GMEB1: variants seen among roughly 807,000 people sequenced by gnomAD.
GMEB1 encodes glucocorticoid modulatory element binding protein 1, also known as glucocorticoid modulatory element-binding protein 1.
In GMEB1, 6 loss-of-function variants were observed where a neutral mutation model predicts 52.4. That is an observed-to-expected ratio of 0.11 (90% CI 0.06 to 0.23). The LOEUF is 0.23. GMEB1 is among the 10% of genes least tolerant of loss of function. The probability of loss-of-function intolerance (pLI) is 1.00; values close to 1 mark genes in which losing one functional copy is unlikely to be tolerated. For synonymous variants in GMEB1, 255 were observed against 244.9 expected (o/e 1.04, Z -0.38); for missense variants, 486 against 685.6 (o/e 0.71, Z 3.25).
chr1:28,683,068 C>T (rs977795576), intron 1 of GMEB1, among the ~76,000 whole-genome samples: 32 of 152,214 alleles, frequency 2.1e-4, no homozygotes, highest in African/African-American at 7.2e-4. Context: ...CTAAGAAAAC[C>T]TATACTAGCA....
intron 7 of GMEB1, among the ~76,000 whole-genome samples, chr1:28,703,676 A>G (rs1014771037): frequency 6.6e-6 from 1 of 152,000 alleles, no homozygotes; most frequent in Non-Finnish European, 1.5e-5. Flanking sequence ...AAAAAATAAA[A>G]ATAAAAAAAT....
Position 28,718,960 on chromosome 1 carries a change from A to AT in GMEB1, c.*4189dup, listed in dbSNP as rs1671338863. On this transcript the variant is annotated 3_prime_UTR_variant, in exon 10 of 10. Transcript: ENST00000373816. ...TATTGTACTACTTGATTTTCAAGTAATTGGGCTTATTTATTCTAGAGAAAA... is the reference window on the plus strand; with the variant it reads ...TATTGTACTACTTGATTTTCAAGTAATTTGGGCTTATTTATTCTAGAGAAAA... 1 of 152,180 alleles carries AT rather than the reference A, an allele frequency of 6.6e-6. No homozygotes were observed. The highest frequency in any genetic ancestry group is 1.5e-5 in the Non-Finnish European group (1 of 68,026). The allele number at this position is 152,180 out of a possible 1,614,324, so 9.4% of individuals were successfully genotyped here. A position where few individuals can be genotyped will look rare whatever the true frequency, so the allele number is the denominator to read the frequency against.
At chr1:28,713,037 A>G (rs192952600) in intron 9 of GMEB1, among the ~76,000 whole-genome samples, 227 of 151,064 alleles carry the variant, frequency 1.5e-3, no homozygotes, top group African/African-American at 5.3e-3. Flanking sequence ...GGGCGCCTGT[A>G]GTCCCAGCTA....
At chr1:28,699,169 G>A (rs1324062260) in intron 6 of GMEB1, among the ~76,000 whole-genome samples, 1 of 152,116 alleles carries the variant, frequency 6.6e-6, no homozygotes. Flanking sequence ...TGATTACCAA[G>A]TTGAGGCTTC....
Position 28,714,292 on chromosome 1 carries a change from G to T in GMEB1, c.1211G>T (p.Gly404Val), listed in dbSNP as rs771205969. The T allele has an allele frequency of 6.2e-7, 1 of 1,614,182 alleles. No individual in the cohort carries two copies. The change falls in exon 10 of 10, where the codon GGT becomes GTT. Residue 404 changes from glycine to valine, a missense_variant. Around this residue, in one of 5 missense-constraint regions of GMEB1, gnomAD observed 153 missense variants for 200.8 expected, o/e 0.76. Coordinates refer to ENST00000373816, the MANE Select transcript of GMEB1 (RefSeq NM_001319674.2). ...VISPITITPV[G>V]QSFSMGNIPV... is the part of the protein sequence containing the mutation. ...TCACCCATCACCATCACCCCAGTGG[G>T]TCAGTCATTTTCCATGGGCAATATT...
chr1:28,676,603 G>A, intron 1 of GMEB1, among the ~76,000 whole-genome samples: 1 of 152,088 alleles, frequency 6.6e-6, no homozygotes. Flanking sequence ...GCAGGCGCCT[G>A]TAGTCTCAGC....
chr1:28,679,529 A>G (rs1316915251), intron 1 of GMEB1, among the ~76,000 whole-genome samples: 1 of 152,106 alleles, frequency 6.6e-6, no homozygotes, highest in Admixed American at 6.6e-5. Flanking sequence ...CTGTACTGTA[A>G]TATCTTGCAG....
Position 28,697,033 on chromosome 1 carries a change from C to T in GMEB1, c.547C>T (p.Pro183Ser). Residue 183 changes from proline to serine, a missense_variant, in exon 6 of 10, where the codon CCA (proline) becomes TCA (serine). Physicochemically the swap from Pro to Ser is moderately conservative, Grantham distance 74. Around this residue, in one of 5 missense-constraint regions of GMEB1, gnomAD observed 200 missense variants for 253.5 expected, o/e 0.79. Coordinates refer to ENST00000373816, the MANE Select transcript of GMEB1 (RefSeq NM_001319674.2). ...FDLLISSARA[P>S]VPGQQTSVVQ... The stretch of plus-strand genomic sequence containing the variant: ...TCTTCTGATCAGCAGTGCAAGAGCT[C>T]CAGTGCCAGGACAGCAGACAAGTGT... 1 of 1,612,554 alleles carries T rather than the reference C, an allele frequency of 6.2e-7. No homozygotes were observed.
Position 28,718,114 on chromosome 1 carries a change from G to C in GMEB1, c.*3341G>C, listed in dbSNP as rs954479408. On this transcript the variant is annotated 3_prime_UTR_variant, in exon 10 of 10. Transcript: ENST00000373816. Reference sequence around the variant, plus strand: ...GGGGTGAGACATATGCAAGCCATTGGTATGTGCATAAGCAGTTGCAATGAA... The same window carrying C: ...GGGGTGAGACATATGCAAGCCATTGCTATGTGCATAAGCAGTTGCAATGAA... 4.2e-4 allele frequency: 64 copies of C among 152,320 alleles called. No homozygotes were observed. Among genetic ancestry groups the C allele is most frequent in the African/African-American group, 1.4e-3 (57 of 41,564 alleles). The allele number at this position is 152,320 out of a possible 1,614,324, so 9.4% of individuals were successfully genotyped here.
In GMEB1 at chr1:28,715,953, G is replaced by T. The variant is rs1199689551; in HGVS notation, c.*1180G>T. 1 of 152,164 alleles carries T rather than the reference G, an allele frequency of 6.6e-6. No homozygotes were observed. The highest frequency in any genetic ancestry group is 2.4e-5 in the African/African-American group (1 of 41,408). The allele number at this position is 152,164 out of a possible 1,614,324, so 9.4% of individuals were successfully genotyped here. On this transcript the variant is annotated 3_prime_UTR_variant, in exon 10 of 10. Coordinates refer to ENST00000373816, the MANE Select transcript of GMEB1 (RefSeq NM_001319674.2). ...CTGAAAATACAAAAAAAAAAAATTA[G>T]CTGGGCATGGTGGCACGCGCCTGTA...
chr1:28,683,270 G>C (rs1669479316), intron 1 of GMEB1, among the ~76,000 whole-genome samples: 1 of 151,712 alleles, frequency 6.6e-6, no homozygotes, highest in Non-Finnish European at 1.5e-5. Flanking sequence ...TTGTTGCCCA[G>C]GCTGGGGTGC....
intron 2 of GMEB1, among the ~76,000 whole-genome samples, chr1:28,688,439 T>C (rs1467709595): frequency 6.6e-6 from 1 of 152,160 alleles, no homozygotes; most frequent in African/African-American, 2.4e-5. Flanking sequence ...AGTAACAAGA[T>C]GCAATAATTA....
At position 28,715,732 on chromosome 1, in the gene GMEB1, G is replaced by A. The variant is rs529849663; in HGVS notation, c.*959G>A. On this transcript the variant is annotated 3_prime_UTR_variant, in exon 10 of 10. Coordinates refer to ENST00000373816, the MANE Select transcript of GMEB1 (RefSeq NM_001319674.2). ...CCGTGAGTGCCATTTTGAGAAGAAGGTGGTAATAAGTGGAAGGTACATCTC... is the reference window on the plus strand; with the variant it reads ...CCGTGAGTGCCATTTTGAGAAGAAGATGGTAATAAGTGGAAGGTACATCTC... 3 of 152,186 alleles carry A rather than the reference G, an allele frequency of 2.0e-5. No homozygotes were observed. The South Asian group carries it at 6.2e-4, about 32-fold the overall frequency. The allele number at this position is 152,186 out of a possible 1,614,324, so 9.4% of individuals were successfully genotyped here.
rs578165280 is a variant in GMEB1 at position 28,680,235 on chromosome 1, T to C, written c.-30-3348T>C. 4.6e-5 allele frequency among the ~76,000 whole-genome samples: 7 copies of C among 152,092 alleles called. No individual in the cohort carries two copies. The South Asian group carries it at 1.5e-3, about 32-fold the overall frequency. ...GTCTCTATCTTTAAATAAATACATA[T>C]AAAAATAAAAAAGAAAATTCTAGAA... On this transcript the variant is annotated intron_variant, in intron 1 of 9. Transcript: ENST00000373816.
At chr1:28,677,148 C>G (rs1669186779) in intron 1 of GMEB1, among the ~76,000 whole-genome samples, 1 of 151,836 alleles carries the variant, frequency 6.6e-6, no homozygotes, top group African/African-American at 2.4e-5. Flanking sequence ...GTGTCCTATC[C>G]CCCAGATATC....
intron 1 of GMEB1, among the ~76,000 whole-genome samples, chr1:28,672,144 A>G (rs1203204980): frequency 1.3e-5 from 2 of 151,544 alleles, no homozygotes; most frequent in Non-Finnish European, 2.9e-5. Context: ...TTTTGGGGTT[A>G]GAAAATTTCA....
intron 9 of GMEB1, 128 bp from the exon 10 acceptor site, chr1:28,713,945 A>C (rs1671172282): frequency 2.8e-6 from 2 of 703,178 alleles, no homozygotes; most frequent in South Asian, 3.5e-5. Context: ...GAAAGAAAAC[A>C]ATGTCACAAC....
At chr1:28,697,153 T>C (rs35436613) in intron 6 of GMEB1, 69 bp downstream of exon 6, 1 of 398,618 alleles carries the variant, frequency 2.5e-6, no homozygotes, top group Non-Finnish European at 4.3e-6. Flanking sequence ...TATTTCTCCC[T>C]TGTGTGTACA....
At chr1:28,689,409 G>A (rs960737368) in intron 2 of GMEB1, among the ~76,000 whole-genome samples, 9 of 151,964 alleles carry the variant, frequency 5.9e-5, no homozygotes, top group African/African-American at 1.9e-4. Context: ...GGCGGATCAC[G>A]AGGTCAGGAG....
Sources: gnomAD v4.1 joint callset for allele counts (sites outside exome capture counted in the v4.1 genomes callset) on GRCh38, gnomAD v4.1.1 for gene constraint, gnomAD v4.1.1 regional missense constraint, MANE v1.5 for transcripts, NCBI Gene and HGNC (gene_info 2026-07-23, HGNC 2026-07-21) for gene names.